The following WDR1 variants were observed in gnomAD, a reference collection of about 807,000 sequenced individuals.
The protein encoded by WDR1 is WD repeat-containing protein 1.
A neutral mutation model predicts 71.9 loss-of-function variants in WDR1; 21 were observed. The observed-to-expected ratio is 0.29, with a 90% CI of 0.21 to 0.42. The LOEUF is 0.42. Among genes scored for constraint, WDR1 ranks in the 10% least tolerant of loss-of-function variants. The pLI is 1.00. For missense variants in WDR1, 696 were observed against 824.5 expected (o/e 0.84, Z 1.91); for synonymous variants, 424 against 347.4 (o/e 1.22, Z -2.45).
At chr4:10,084,834 C>T (rs1431377956) in intron 8 of WDR1, among the ~76,000 whole-genome samples, 2 of 152,260 alleles carry the variant, frequency 1.3e-5, no homozygotes, top group East Asian at 3.8e-4. Context: ...CACGTCAGCA[C>T]CTGAGCACCT....
chr4:10,109,418 G>T (rs1015162876), intron 2 of WDR1, among the ~76,000 whole-genome samples: 5 of 152,242 alleles, frequency 3.3e-5, no homozygotes, highest in Non-Finnish European at 5.9e-5. Flanking sequence ...CTTCCTTACG[G>T]TTGGTCTCAA....
intron 2 of WDR1, among the ~76,000 whole-genome samples, chr4:10,111,466 C>G (rs1030146304): frequency 6.6e-6 from 1 of 152,192 alleles, no homozygotes; most frequent in African/African-American, 2.4e-5. Flanking sequence ...TGGCTCTGCA[C>G]CTGGCAGGCG....
rs78938632 is a variant in WDR1, at chr4:10,077,460, T to C, written c.1570-12A>G. 1 of 1,613,900 alleles carries C rather than the reference T, an allele frequency of 6.2e-7. No individual in the cohort carries two copies. The highest frequency in any genetic ancestry group is 8.5e-7 in the Non-Finnish European group (1 of 1,179,832). On this transcript the variant is annotated splice_polypyrimidine_tract_variant and intron_variant, in intron 13 of 14. Transcript: ENST00000499869. ...AAAACATTGTTCTCCTAGTTGCAGG[T>C]TGAAAACAAGAGAGGTGGCAGGTCA...
intron 10 of WDR1, among the ~76,000 whole-genome samples, chr4:10,081,657 G>C (rs941046204): frequency 2.2e-4 from 24 of 109,050 alleles, no homozygotes; most frequent in East Asian, 1.2e-3. Context: ...GGGGCCCGGG[G>C]AGGGGTGGGG....
intron 4 of WDR1, among the ~76,000 whole-genome samples, chr4:10,098,719 G>A (rs1462430577): frequency 6.6e-6 from 1 of 152,218 alleles, no homozygotes; most frequent in Non-Finnish European, 1.5e-5. Context: ...GCCTGCAGGT[G>A]GGCATGAGAG....
intron 5 of WDR1, among the ~76,000 whole-genome samples, chr4:10,097,150 T>A (rs1174867808): frequency 6.6e-6 from 1 of 152,250 alleles, no homozygotes; most frequent in Admixed American, 6.5e-5. Flanking sequence ...CCTGGGTGCC[T>A]AAGGCGGGGC....
chr4:10,075,129 T>G lies in WDR1; in HGVS notation c.*249A>C, dbSNP rs1578410665. The stretch of plus-strand genomic sequence containing the variant: ...TCTCAAGGTTTGGTTGGGCTGTGGG[T>G]TTTAGTTATGCTCCACACATTGTTT... On this transcript the variant is annotated 3_prime_UTR_variant, in exon 15 of 15. Coordinates refer to ENST00000499869, the MANE Select transcript of WDR1 (RefSeq NM_017491.5). The G allele has an allele frequency of 6.2e-6, 3 of 480,696 alleles. No homozygotes were observed. The highest frequency in any genetic ancestry group is 4.2e-5 in the South Asian group (1 of 23,664). The allele number at this position is 480,696 out of a possible 1,614,324, so 29.8% of individuals were successfully genotyped here. A position where few individuals can be genotyped will look rare whatever the true frequency, so the allele number is the denominator to read the frequency against.
At chr4:10,104,107 G>T (rs1465911691) in intron 2 of WDR1, 121 bp from the exon 3 acceptor site, 1 of 1,026,834 alleles carries the variant, frequency 9.7e-7, no homozygotes, top group Non-Finnish European at 1.5e-6. Flanking sequence ...CTAAAACCGT[G>T]AAGAAAACCG....
intron 14 of WDR1, chr4:10,077,003 G>A (rs1346722828): frequency 2.6e-6 from 1 of 377,394 alleles, no homozygotes; most frequent in East Asian, 4.8e-5. Context: ...TAGGGAGGGG[G>A]AGACCCTGGT....
chr4:10,086,086 G>A (rs1711531610), intron 8 of WDR1, among the ~76,000 whole-genome samples: 1 of 152,200 alleles, frequency 6.6e-6, no homozygotes, highest in Non-Finnish European at 1.5e-5. Context: ...CTGACACCTG[G>A]AGAACACTGT....
chr4:10,099,745 G>A (rs1712574976), intron 3 of WDR1, among the ~76,000 whole-genome samples: 1 of 152,260 alleles, frequency 6.6e-6, no homozygotes, highest in African/African-American at 2.4e-5. Context: ...GCGTGCTGCT[G>A]CCTGGCAAAT....
At chr4:10,088,566 G>A in intron 6 of WDR1, 98 bp downstream of exon 6, 1 of 1,210,626 alleles carries the variant, frequency 8.3e-7, no homozygotes, top group South Asian at 1.3e-5. Flanking sequence ...TCTAAGTTCT[G>A]CATGTCAGGA....
chr4:10,105,482 A>C (rs768481527), intron 2 of WDR1, among the ~76,000 whole-genome samples: 1 of 152,236 alleles, frequency 6.6e-6, no homozygotes, highest in Non-Finnish European at 1.5e-5. Context: ...TGTCTATCCA[A>C]AGAAGATACT....
chr4:10,113,559 C>G (rs962404540), intron 2 of WDR1, among the ~76,000 whole-genome samples: 2 of 151,726 alleles, frequency 1.3e-5, no homozygotes, highest in Admixed American at 6.6e-5. Flanking sequence ...CACTAGAGGC[C>G]TGTCTTGTGT....
intron 2 of WDR1, among the ~76,000 whole-genome samples, chr4:10,113,008 GA>G (rs1325635777): frequency 3.3e-5 from 5 of 152,174 alleles, no homozygotes; most frequent in African/African-American, 4.8e-5. Context: ...GCCGGGGATG[GA>G]AAATTCTATT....
chr4:10,088,136 T>C (rs1162300416), intron 7 of WDR1, among the ~76,000 whole-genome samples, 157 bp downstream of exon 7: 1 of 152,194 alleles, frequency 6.6e-6, no homozygotes, highest in South Asian at 2.1e-4. Context: ...CATCACCTTA[T>C]TGCGACCTTA....
rs528432872 is a variant in WDR1, at chr4:10,089,389, A to C, written c.559-648T>G. On this transcript the variant is annotated intron_variant, in intron 5 of 14. Coordinates refer to ENST00000499869, the MANE Select transcript of WDR1 (RefSeq NM_017491.5). ...CCAAAGTGCTGGGATTACAGGAGTAAGTCACTGCGCCTGGCCAATAATTAA... is the reference window on the plus strand; with the variant it reads ...CCAAAGTGCTGGGATTACAGGAGTACGTCACTGCGCCTGGCCAATAATTAA... 2.6e-5 allele frequency among the ~76,000 whole-genome samples: 4 copies of C among 152,202 alleles called. No individual in the cohort carries two copies. The South Asian group carries it at 8.3e-4, about 31-fold the overall frequency.
intron 5 of WDR1, chr4:10,091,600 C>G (rs1015720045): frequency 6.6e-5 from 10 of 152,356 alleles, no homozygotes; most frequent in African/African-American, 2.4e-4. Flanking sequence ...TGGGCAGCTG[C>G]TCAGCAAGCC....
intron 5 of WDR1, among the ~76,000 whole-genome samples, chr4:10,089,290 G>T (rs1324711585): frequency 1.3e-5 from 2 of 152,224 alleles, no homozygotes; most frequent in Non-Finnish European, 1.5e-5. Context: ...TGTATTTTTA[G>T]TAGAGATGGG....
Sources: gnomAD v4.1 joint callset for allele counts (sites outside exome capture counted in the v4.1 genomes callset) on GRCh38, gnomAD v4.1.1 for gene constraint, MANE v1.5 for transcripts, NCBI Gene and HGNC (gene_info 2026-07-23, HGNC 2026-07-21) for gene names.